Variants in ARMC3 observed in about 807,000 individuals in gnomAD.
ARMC3 encodes armadillo repeat-containing protein 3.
ARMC3 carries 74 observed loss-of-function variants against 90.3 expected under a neutral mutation model. That is an observed-to-expected ratio of 0.82 (90% CI 0.68 to 0.99). The LOEUF (loss-of-function observed/expected upper bound fraction) is 0.99, where lower values mean the gene tolerates loss of function less well. Ranked by LOEUF, ARMC3 falls within the 50% of genes least tolerant of loss-of-function variation. ARMC3 has a pLI of 0.00. For synonymous variants in ARMC3, 334 were observed against 361.8 expected, an observed-to-expected ratio of 0.92 and a Z score of 0.87; for missense variants, 958 against 1,042.8, an observed-to-expected ratio of 0.92 and a Z score of 1.12.
At chr10:22,976,042 A>G (rs943780715) in intron 8 of ARMC3, among the ~76,000 whole-genome samples, 10 of 152,166 alleles carry the variant, frequency 6.6e-5, no homozygotes, top group South Asian at 2.1e-4. Context: ...CTTTAGCCCA[A>G]TTGTGGATGA....
At chr10:23,013,333 C>T (rs1838108677) in intron 16 of ARMC3, among the ~76,000 whole-genome samples, 1 of 152,148 alleles carries the variant, frequency 6.6e-6, no homozygotes, top group East Asian at 1.9e-4. Flanking sequence ...GTGGCAAGTT[C>T]CTATTCATTC....
chr10:22,978,469 C>G (rs1247586589), intron 8 of ARMC3, among the ~76,000 whole-genome samples: 1 of 152,188 alleles, frequency 6.6e-6, no homozygotes, highest in Admixed American at 6.5e-5. Flanking sequence ...CCTGTTCCCT[C>G]CCACAACATG....
At chr10:23,036,965 C>T (rs909768891) in intron 18 of ARMC3, among the ~76,000 whole-genome samples, 1 of 152,210 alleles carries the variant, frequency 6.6e-6, no homozygotes, top group African/African-American at 2.4e-5. Flanking sequence ...TGCACTAGTG[C>T]AAAGAGTGCA....
At chr10:22,989,599 A>G (rs1186131328) in intron 10 of ARMC3, among the ~76,000 whole-genome samples, 1 of 152,066 alleles carries the variant, frequency 6.6e-6, no homozygotes, top group Non-Finnish European at 1.5e-5. Flanking sequence ...AGTTTTTAGG[A>G]GGTTTTGTTT....
chr10:22,972,538 A>T lies in ARMC3; in HGVS notation c.916+4049A>T, dbSNP rs1801229748. On this transcript the variant is annotated intron_variant, in intron 8 of 18. Coordinates refer to ENST00000298032, the MANE Select transcript of ARMC3 (RefSeq NM_173081.5). ...CTTTTGTTAGTTCTAAAATAACTACATTCCAGTTTCAAGTTGTGTCTCCTG... is the reference window on the plus strand; with the variant it reads ...CTTTTGTTAGTTCTAAAATAACTACTTTCCAGTTTCAAGTTGTGTCTCCTG... Among the ~76,000 whole-genome samples, 3 of 152,206 alleles carry T rather than the reference A, an allele frequency of 2.0e-5. No individual in the cohort carries two copies. The South Asian group carries it at 6.2e-4, about 32-fold the overall frequency.
At chr10:22,936,245 C>T (rs1834109056) in intron 2 of ARMC3, among the ~76,000 whole-genome samples, 1 of 152,060 alleles carries the variant, frequency 6.6e-6, no homozygotes, top group Non-Finnish European at 1.5e-5. Context: ...TCGCTTGAAG[C>T]CAGGAGTTCA....
chr10:23,016,095 G>A (rs981395658), intron 16 of ARMC3, among the ~76,000 whole-genome samples: 1 of 152,166 alleles, frequency 6.6e-6, no homozygotes, highest in African/African-American at 2.4e-5. Context: ...AATAAATTGG[G>A]TGGAATAGGA....
Position 23,030,644 on chromosome 10 carries a change from G to A in ARMC3, c.2094G>A (p.Glu698=). 1 of 1,613,746 alleles carries A rather than the reference G, an allele frequency of 6.2e-7. No individual in the cohort carries two copies. The highest frequency in any genetic ancestry group is 1.1e-5 in the South Asian group (1 of 91,070). ...AGGAAAAAGTGAAAGAGGAGGAAGA[G>A]GTTATGGTGGTACCAAAATTTGTTG... is the stretch of plus-strand genomic sequence containing the variant. ...KEEEKVKEEE[E]VMVVPKFVGE... Residue 698 remains glutamate (E), a synonymous_variant, in exon 17 of 19, where the codon GAG becomes GAA. Transcript: ENST00000298032.
chr10:23,030,829 T>C, intron 17 of ARMC3, 33 bp downstream of exon 17: 1 of 1,595,542 alleles, frequency 6.3e-7, no homozygotes, highest in Non-Finnish European at 8.5e-7. Context: ...TGTTTTTAAT[T>C]TCTGAAAAAA....
At chr10:23,033,139 T>G in intron 18 of ARMC3, 116 bp downstream of exon 18, 1 of 981,426 alleles carries the variant, frequency 1.0e-6, no homozygotes, top group Non-Finnish European at 1.5e-6. Flanking sequence ...CCATTTAGAT[T>G]TATTTATATC....
At chr10:22,984,063 A>G (rs1455607744) in intron 10 of ARMC3, among the ~76,000 whole-genome samples, 1 of 152,220 alleles carries the variant, frequency 6.6e-6, no homozygotes, top group African/African-American at 2.4e-5. Context: ...AGGAGACAAA[A>G]GCCCAGAGTT....
chr10:22,932,040 A>T lies in ARMC3; in HGVS notation c.44A>T (p.Asp15Val). 6.3e-7 allele frequency: 1 copy of T among 1,599,008 alleles called. No individual in the cohort carries two copies. The highest frequency in any genetic ancestry group is 8.5e-7 in the Non-Finnish European group (1 of 1,175,380). The stretch of plus-strand genomic sequence containing the variant: ...AAGGAAGTAGAGCCTCCTCCTAAGG[A>T]TGTGGTAAGTTTCTGATTTGAATAC... ...IKKEVEPPPK[D>V]VFDPLMIESK... The change falls in exon 2 of 19, where the codon GAT (aspartate) becomes GTT (valine). Residue 15 changes from aspartate to valine, a missense_variant. By Grantham distance (152) the Asp-to-Val change is radical. Transcript: ENST00000298032.
chr10:22,996,920 AGTT>A (rs976352234), intron 10 of ARMC3, among the ~76,000 whole-genome samples: 10 of 139,208 alleles, frequency 7.2e-5, no homozygotes, highest in African/African-American at 2.3e-4. Context: ...ATATAGCTTC[AGTT>A]GTTTTTTTTT....
intron 18 of ARMC3, among the ~76,000 whole-genome samples, chr10:23,036,322 C>G (rs1839127030): frequency 6.6e-6 from 1 of 152,026 alleles, no homozygotes; most frequent in Admixed American, 6.5e-5. Context: ...CATGGTCCAC[C>G]CAAGACACAG....
At chr10:22,985,577 C>T (rs1032315644) in intron 10 of ARMC3, among the ~76,000 whole-genome samples, 3 of 152,238 alleles carry the variant, frequency 2.0e-5, no homozygotes, top group Non-Finnish European at 4.4e-5. Context: ...TACAGGAGGG[C>T]CTGATGCCTC....
chr10:23,018,758 C>T (rs1162469510), intron 16 of ARMC3, among the ~76,000 whole-genome samples: 1 of 152,132 alleles, frequency 6.6e-6, no homozygotes, highest in Non-Finnish European at 1.5e-5. Flanking sequence ...CCTCGTGATC[C>T]ACCCGCCTTG....
At chr10:23,006,825 C>A in intron 13 of ARMC3, 59 bp from the exon 14 acceptor site, 1 of 1,418,028 alleles carries the variant, frequency 7.1e-7, no homozygotes, top group South Asian at 1.2e-5. Context: ...TATCTGTATT[C>A]ATTTTCGAAA....
chr10:23,019,859 T>A (rs1056142996), intron 16 of ARMC3, among the ~76,000 whole-genome samples: 3 of 152,186 alleles, frequency 2.0e-5, no homozygotes, highest in Non-Finnish European at 1.5e-5. Context: ...CCTGTTAGTC[T>A]TTTTGAGAAT....
intron 8 of ARMC3, among the ~76,000 whole-genome samples, chr10:22,981,069 C>T (rs1836162200): frequency 6.6e-6 from 1 of 152,186 alleles, no homozygotes; most frequent in Admixed American, 6.5e-5. Context: ...TCAGTGCTTG[C>T]TAAATCCAAA....
Sources: allele counts gnomAD v4.1 joint callset (sites outside exome capture counted in the v4.1 genomes callset), GRCh38; gene constraint gnomAD v4.1.1; transcripts MANE v1.5; gene names NCBI Gene and HGNC (gene_info 2026-07-23, HGNC 2026-07-21).